The following FHOD3 variants were observed in gnomAD, a reference collection of about 807,000 sequenced individuals.
The protein encoded by FHOD3 is formin homology 2 domain containing 3, also known as FH1/FH2 domain-containing protein 3.
In FHOD3, 90 loss-of-function variants were observed where a neutral mutation model predicts 173.0. The ratio of observed to expected loss-of-function variants is 0.52; its 90% CI spans 0.44 to 0.62. FHOD3 has a LOEUF of 0.62. Ranked by LOEUF, FHOD3 falls within the 20% of genes least tolerant of loss-of-function variation. FHOD3 has a pLI of 0.00. For missense variants in FHOD3, 1,945 were observed against 2,034.7 expected, an observed-to-expected ratio of 0.96 and a Z score of 0.85; for synonymous variants, 828 against 823.0, an observed-to-expected ratio of 1.01 and a Z score of -0.10.
At chr18:36,695,353 TA>T (rs56112529) in intron 17 of FHOD3, among the ~76,000 whole-genome samples, 5,707 of 108,732 alleles carry the variant, frequency 0.052, 271 homozygotes, top group African/African-American at 0.15. Flanking sequence ...GTCTCAAAAA[TA>T]AAAAAAAAAA....
rs544298767 is a variant in FHOD3, at chr18:36,564,553, G to T, written c.512-11898G>T. On this transcript the variant is annotated intron_variant, in intron 5 of 28. Coordinates refer to ENST00000590592, the MANE Select transcript of FHOD3 (RefSeq NM_001281740.3). ...CATGGGAATCTTGGATATAAACTTTGCTGCTGTTGGGAAGATGAATGAATA... is the reference window on the plus strand; with the variant it reads ...CATGGGAATCTTGGATATAAACTTTTCTGCTGTTGGGAAGATGAATGAATA... Among the ~76,000 whole-genome samples, 4 of 152,270 alleles carry T rather than the reference G, an allele frequency of 2.6e-5. No homozygotes were observed. The East Asian group carries it at 7.7e-4, about 29-fold the overall frequency.
chr18:36,321,484 C>T (rs2044389629), intron 1 of FHOD3, among the ~76,000 whole-genome samples: 1 of 152,206 alleles, frequency 6.6e-6, no homozygotes, highest in South Asian at 2.1e-4. Context: ...TCTGTTTTTT[C>T]TCTCCTGGCT....
In FHOD3 at chr18:36,759,458, T is replaced by C. The variant is rs116839116; in HGVS notation, c.4449+317T>C. ...GGAAAAGTGGACAGAGAATTTTCCT[T>C]TGGCAACTTAAATATGAGAACTAGA... On this transcript the variant is annotated intron_variant, in intron 26 of 28. Transcript: ENST00000590592. Among the ~76,000 whole-genome samples, 1,339 of 152,342 alleles carry C rather than the reference T, an allele frequency of 8.8e-3. 15 individuals carry two copies. The highest frequency in any genetic ancestry group is 0.03 in the African/African-American group (1,245 of 41,586).
chr18:36,748,364 GCACACA>G (rs369761727), intron 24 of FHOD3, among the ~76,000 whole-genome samples: 22 of 140,830 alleles, frequency 1.6e-4, no homozygotes, highest in Admixed American at 9.8e-4. Flanking sequence ...ACACGCACGC[GCACACA>G]CACACACACA....
At chr18:36,499,974 C>T (rs903588191) in intron 3 of FHOD3, among the ~76,000 whole-genome samples, 5 of 152,158 alleles carry the variant, frequency 3.3e-5, no homozygotes, top group African/African-American at 1.2e-4. Flanking sequence ...AGACCCCCAC[C>T]CTACAGTATC....
At chr18:36,514,675 A>G (rs2055862183) in intron 5 of FHOD3, among the ~76,000 whole-genome samples, 1 of 152,208 alleles carries the variant, frequency 6.6e-6, no homozygotes, top group Non-Finnish European at 1.5e-5. Context: ...GAGAGCTAAT[A>G]TTATAACCAT....
At chr18:36,622,508 C>G (rs1465714052) in intron 9 of FHOD3, among the ~76,000 whole-genome samples, 2 of 152,148 alleles carry the variant, frequency 1.3e-5, no homozygotes, top group African/African-American at 4.8e-5. Flanking sequence ...ACCCTACTTG[C>G]TCCTTGCCCA....
intron 1 of FHOD3, among the ~76,000 whole-genome samples, chr18:36,302,616 T>C (rs537306590): frequency 2.0e-4 from 30 of 152,350 alleles, no homozygotes; most frequent in African/African-American, 7.2e-4. Context: ...AGTGCTAAGA[T>C]AGAATGTGCA....
intron 1 of FHOD3, among the ~76,000 whole-genome samples, chr18:36,312,381 C>T (rs1020818003): frequency 6.6e-6 from 1 of 152,150 alleles, no homozygotes; most frequent in Non-Finnish European, 1.5e-5. Flanking sequence ...TGACGACCCC[C>T]TAGAGCTGAC....
At chr18:36,450,438 A>AGTTTGTTT (rs35174305) in intron 3 of FHOD3, among the ~76,000 whole-genome samples, 24 of 131,516 alleles carry the variant, frequency 1.8e-4, no homozygotes, top group East Asian at 2.6e-4. Flanking sequence ...ATTTACGACC[A>AGTTTGTTT]GTTTGTTTAT....
chr18:36,575,537 C>T (rs981456215), intron 5 of FHOD3, among the ~76,000 whole-genome samples: 15 of 152,062 alleles, frequency 9.9e-5, no homozygotes, highest in Admixed American at 9.8e-4. Context: ...TCACTTTATT[C>T]TTCTGTATTT....
intron 10 of FHOD3, among the ~76,000 whole-genome samples, chr18:36,643,175 T>C (rs1211689322): frequency 6.6e-6 from 1 of 152,164 alleles, no homozygotes; most frequent in Non-Finnish European, 1.5e-5. Context: ...TTTTGACAAT[T>C]ACAGATAGTG....
At chr18:36,433,805 A>G (rs1041089553) in intron 3 of FHOD3, among the ~76,000 whole-genome samples, 1 of 152,186 alleles carries the variant, frequency 6.6e-6, no homozygotes, top group Non-Finnish European at 1.5e-5. Context: ...TTTTAGAAAT[A>G]GGTTAGAAGG....
At chr18:36,717,487 C>A (rs1600390929) in intron 18 of FHOD3, among the ~76,000 whole-genome samples, 1 of 152,136 alleles carries the variant, frequency 6.6e-6, no homozygotes, top group African/African-American at 2.4e-5. Flanking sequence ...GCCTCCCTAT[C>A]TCAAGTTAGG....
chr18:36,450,656 G>C (rs1380144242), intron 3 of FHOD3, among the ~76,000 whole-genome samples: 1 of 151,702 alleles, frequency 6.6e-6, no homozygotes, highest in African/African-American at 2.4e-5. Flanking sequence ...AGCTGGGCAT[G>C]GTGGTGCACA....
chr18:36,574,582 G>A (rs1035906744), intron 5 of FHOD3, among the ~76,000 whole-genome samples: 3 of 152,012 alleles, frequency 2.0e-5, no homozygotes, highest in African/African-American at 7.2e-5. Flanking sequence ...TCATTAGGAT[G>A]AGAAATGTGA....
At chr18:36,618,977 T>C (rs2033472913) in intron 9 of FHOD3, among the ~76,000 whole-genome samples, 1 of 152,196 alleles carries the variant, frequency 6.6e-6, no homozygotes, top group Non-Finnish European at 1.5e-5. Context: ...CTGTCTGTGT[T>C]GTCTGTCTAT....
intron 17 of FHOD3, among the ~76,000 whole-genome samples, chr18:36,700,934 G>A (rs4799879): frequency 0.4 from 60,119 of 151,912 alleles, 12,387 homozygotes; most frequent in African/African-American, 0.52. Flanking sequence ...CTCTAAAGCC[G>A]CCCTTGATCC....
intron 14 of FHOD3, among the ~76,000 whole-genome samples, chr18:36,667,502 A>G (rs1441378137): frequency 6.6e-6 from 1 of 152,166 alleles, no homozygotes; most frequent in East Asian, 1.9e-4. Context: ...CCTAGGCTAT[A>G]TGGTATAGCC....
Sources: allele counts gnomAD v4.1 joint callset (sites outside exome capture counted in the v4.1 genomes callset), GRCh38; gene constraint gnomAD v4.1.1; transcripts MANE v1.5; gene names NCBI Gene and HGNC (gene_info 2026-07-23, HGNC 2026-07-21).